The following C1orf21 variants were observed in gnomAD, a reference collection of about 807,000 sequenced individuals.
C1orf21 encodes the protein uncharacterized protein C1orf21.
C1orf21 carries 3 observed loss-of-function variants against 18.7 expected under a neutral mutation model. The ratio of observed to expected loss-of-function variants is 0.16; its 90% confidence interval spans 0.07 to 0.42. The LOEUF (loss-of-function observed/expected upper bound fraction) is 0.42, where lower values mean the gene tolerates loss of function less well. Ranked by LOEUF, C1orf21 falls within the 10% of genes least tolerant of loss-of-function variation. The pLI, the probability that C1orf21 is intolerant of heterozygous loss-of-function variation, is 0.99. For synonymous variants in C1orf21, 41 were observed against 46.4 expected, an observed-to-expected ratio of 0.88 and a Z score of 0.47; for missense variants, 104 against 143.6, an observed-to-expected ratio of 0.72 and a Z score of 1.41.
intron 3 of C1orf21, among the ~76,000 whole-genome samples, chr1:184,572,386 A>C (rs1659125240): frequency 6.6e-6 from 1 of 152,220 alleles, no homozygotes; most frequent in Non-Finnish European, 1.5e-5. Context: ...TAAATGGACC[A>C]GTATACATGC....
chr1:184,390,768 A>G (rs563448921), intron 1 of C1orf21, among the ~76,000 whole-genome samples: 72 of 152,276 alleles, frequency 4.7e-4, no homozygotes, highest in Non-Finnish European at 8.5e-4. Flanking sequence ...AAACAAATAC[A>G]TCTTTGGCCA....
chr1:184,427,846 C>A (rs910011736), intron 1 of C1orf21, among the ~76,000 whole-genome samples: 7 of 152,256 alleles, frequency 4.6e-5, no homozygotes, highest in Non-Finnish European at 8.8e-5. Flanking sequence ...GTACTCTTAG[C>A]TCATTTTGGG....
rs1452405523 is a variant in C1orf21, at chr1:184,471,667, G to A, written c.-124-5719G>A. Among the ~76,000 whole-genome samples, 3 of 152,212 alleles carry A rather than the reference G, an allele frequency of 2.0e-5. No homozygotes were observed. The East Asian group carries it at 5.8e-4, about 29-fold the overall frequency. ...TCCTTGGCCCCACACCTTACTGCCT[G>A]AATCTAGCAGAAATGTGTCCTATTG... On this transcript the variant is annotated intron_variant, in intron 1 of 5. Transcript: ENST00000235307.
chr1:184,520,748 C>T (rs1658295252), intron 3 of C1orf21, among the ~76,000 whole-genome samples: 1 of 152,100 alleles, frequency 6.6e-6, no homozygotes, highest in African/African-American at 2.4e-5. Context: ...TTAAAATTAA[C>T]CTTTCTCTGT....
At chr1:184,567,817 C>T (rs983693920) in intron 3 of C1orf21, 2 of 226,366 alleles carry the variant, frequency 8.8e-6, no homozygotes, top group African/African-American at 4.7e-5. Flanking sequence ...CGCATACTAG[C>T]TTTTGTTTCC....
At chr1:184,443,966 A>G (rs1656990380) in intron 1 of C1orf21, among the ~76,000 whole-genome samples, 1 of 152,164 alleles carries the variant, frequency 6.6e-6, no homozygotes, top group African/African-American at 2.4e-5. Flanking sequence ...ATGGCCTTTG[A>G]GAATGAGCTG....
At position 184,573,899 on chromosome 1, in the gene C1orf21, T is replaced by C. The variant is rs971029980; in HGVS notation, c.190-16840T>C. Among the ~76,000 whole-genome samples, 11 of 152,158 alleles carry C rather than the reference T, an allele frequency of 7.2e-5. No individual in the cohort carries two copies. The East Asian group carries it at 1.7e-3, about 24-fold the overall frequency. On this transcript the variant is annotated intron_variant, in intron 3 of 5. Transcript: ENST00000235307. ...ATTCAAACTGCCTTTTACTTCAAAG[T>C]AGAAATGAAGATAGGCCGAGCACCA...
At chr1:184,552,033 T>G (rs187553817) in intron 3 of C1orf21, among the ~76,000 whole-genome samples, 76 of 152,042 alleles carry the variant, frequency 5.0e-4, no homozygotes, top group Non-Finnish European at 8.4e-4. Flanking sequence ...AGGCTATGGA[T>G]GATTCATTTG....
chr1:184,415,305 C>T (rs1272954530), intron 1 of C1orf21, among the ~76,000 whole-genome samples: 2 of 152,180 alleles, frequency 1.3e-5, no homozygotes, highest in East Asian at 3.8e-4. Flanking sequence ...CCTCTTTGGA[C>T]CTTCTTCTTT....
intron 1 of C1orf21, among the ~76,000 whole-genome samples, chr1:184,467,560 A>G (rs1475053011): frequency 1.3e-5 from 2 of 152,144 alleles, no homozygotes; most frequent in Non-Finnish European, 2.9e-5. Flanking sequence ...TCTGCTGCAG[A>G]ACTGCTGTCT....
chr1:184,394,300 C>G (rs1431037681), intron 1 of C1orf21, among the ~76,000 whole-genome samples: 1 of 152,176 alleles, frequency 6.6e-6, no homozygotes, highest in Non-Finnish European at 1.5e-5. Context: ...ATGGATACTG[C>G]AGCAGTTTCA....
At chr1:184,563,541 A>G (rs1658994599) in intron 3 of C1orf21, among the ~76,000 whole-genome samples, 1 of 152,228 alleles carries the variant, frequency 6.6e-6, no homozygotes, top group Admixed American at 6.5e-5. Flanking sequence ...CCGTCAGACT[A>G]GAAAGCAAAT....
At chr1:184,523,448 A>T (rs967684758) in intron 3 of C1orf21, among the ~76,000 whole-genome samples, 11 of 152,196 alleles carry the variant, frequency 7.2e-5, no homozygotes, top group African/African-American at 2.7e-4. Flanking sequence ...TACTCCTGAA[A>T]ACTATCAAGG....
At chr1:184,583,712 A>T (rs190483405) in intron 3 of C1orf21, among the ~76,000 whole-genome samples, 3 of 152,276 alleles carry the variant, frequency 2.0e-5, no homozygotes, top group South Asian at 4.1e-4. Context: ...CCTACTTGAG[A>T]TGTCTTGAGT....
intron 3 of C1orf21, among the ~76,000 whole-genome samples, chr1:184,555,246 G>T (rs1427983444): frequency 6.6e-6 from 1 of 152,164 alleles, no homozygotes; most frequent in Non-Finnish European, 1.5e-5. Context: ...CGTGGAACCA[G>T]ACATCTCCCC....
chr1:184,625,759 A>G lies in C1orf21; in HGVS notation c.*6203A>G, dbSNP rs1435050513. ...GAGTTCGACTCACATGGGAGAATCG[A>G]GGTCTGCTACTCGTCTTGCTTTGTG... On this transcript the variant is annotated 3_prime_UTR_variant, in exon 6 of 6. Transcript: ENST00000235307. 1 of 152,370 alleles carries G rather than the reference A, an allele frequency of 6.6e-6. No homozygotes were observed. The highest frequency in any genetic ancestry group is 2.4e-5 in the African/African-American group (1 of 41,438). The allele number at this position is 152,370 out of a possible 1,614,324, so 9.4% of individuals were successfully genotyped here. A position where few individuals can be genotyped will look rare whatever the true frequency, so the allele number is the denominator to read the frequency against.
intron 3 of C1orf21, among the ~76,000 whole-genome samples, chr1:184,509,225 A>G (rs1051346529): frequency 2.0e-5 from 3 of 152,180 alleles, no homozygotes; most frequent in Non-Finnish European, 2.9e-5. Flanking sequence ...TTTCATCATC[A>G]TATTTAGGAC....
At chr1:184,408,102 C>G (rs766635381) in intron 1 of C1orf21, among the ~76,000 whole-genome samples, 6 of 152,026 alleles carry the variant, frequency 3.9e-5, no homozygotes, top group African/African-American at 1.4e-4. Flanking sequence ...CTAAGATGAT[C>G]GACATAAGAC....
In C1orf21 at chr1:184,410,665, T is replaced by TATATATATATA. The variant is rs1557965191; in HGVS notation, c.-125+23297_-125+23298insATATATATATA. On this transcript the variant is annotated intron_variant, in intron 1 of 5. Transcript: ENST00000235307. ...TATATATATATATATATATATATAT[T>TATATATATATA]TTTTTTTTTTTTTTTTGAGATGGAG... 3.0e-4 allele frequency among the ~76,000 whole-genome samples: 5 copies of TATATATATATA among 16,506 alleles called. 1 individual carries two copies. The African/African-American group carries it at 6.9e-3, about 23-fold the overall frequency. 10.8% of individuals were successfully genotyped at this position (16,506 alleles called of 152,430 possible). A position where few individuals can be genotyped will look rare whatever the true frequency, so the allele number is the denominator to read the frequency against.
Sources: gnomAD v4.1 joint callset for allele counts (sites outside exome capture counted in the v4.1 genomes callset) on GRCh38, gnomAD v4.1.1 for gene constraint, MANE v1.5 for transcripts, NCBI Gene and HGNC (gene_info 2026-07-23, HGNC 2026-07-21) for gene names.